Variants in AFF3 observed in about 807,000 individuals in gnomAD.
The protein encoded by AFF3 is AF4/FMR2 family member 3.
AFF3 carries 32 observed loss-of-function variants against 129.7 expected under a neutral mutation model. That is an observed-to-expected ratio of 0.25 (90% CI 0.19 to 0.33). The LOEUF (loss-of-function observed/expected upper bound fraction) is 0.33, where lower values mean the gene tolerates loss of function less well. AFF3 is among the 10% of genes least tolerant of loss of function. The pLI is 1.00. For missense variants in AFF3, 1,373 were observed against 1,592.0 expected (o/e 0.86, Z 2.34); for synonymous variants, 644 against 635.4 (o/e 1.01, Z -0.20).
chr2:99,582,584 G>T (rs1264400529), intron 17 of AFF3, among the ~76,000 whole-genome samples: 1 of 152,196 alleles, frequency 6.6e-6, no homozygotes, highest in East Asian at 1.9e-4. Flanking sequence ...AAGCAACCGA[G>T]GGTTAGAACT....
At chr2:99,726,187 C>T (rs1043232520) in intron 11 of AFF3, among the ~76,000 whole-genome samples, 1 of 152,166 alleles carries the variant, frequency 6.6e-6, no homozygotes, top group African/African-American at 2.4e-5. Context: ...CACAGCTCTC[C>T]TATTCAAGCC....
rs56710070 is a variant in AFF3 at position 100,107,017 on chromosome 2, A to G, written c.-144-1434T>C. 2,519 of 985,426 alleles carry G rather than the reference A, an allele frequency of 2.6e-3. 47 individuals carry two copies. The African/African-American group carries it at 0.039, about 15-fold the overall frequency. 61.0% of individuals were successfully genotyped at this position (985,426 alleles called of 1,614,324 possible). A position where few individuals can be genotyped will look rare whatever the true frequency, so the allele number is the denominator to read the frequency against. ...TGTGTTAATATATGAGAGTGTGTGC[A>G]CCTAAAGCAATTGCAAGGCGGGTAT... On this transcript the variant is annotated intron_variant, in intron 2 of 24. Coordinates refer to ENST00000672756, the MANE Select transcript of AFF3 (RefSeq NM_001386135.1).
At chr2:99,720,280 C>T (rs563366725) in intron 11 of AFF3, among the ~76,000 whole-genome samples, 4 of 152,178 alleles carry the variant, frequency 2.6e-5, no homozygotes, top group Admixed American at 1.3e-4. Flanking sequence ...GGCATGGATG[C>T]CTCATAAACA....
At chr2:99,958,437 A>C (rs573794370) in intron 7 of AFF3, among the ~76,000 whole-genome samples, 1 of 150,836 alleles carries the variant, frequency 6.6e-6, no homozygotes, top group Non-Finnish European at 1.5e-5. Context: ...AGGAGCCGAG[A>C]TCGTGTCACT....
chr2:99,854,802 C>G (rs1403612071), intron 7 of AFF3, among the ~76,000 whole-genome samples: 1 of 152,062 alleles, frequency 6.6e-6, no homozygotes, highest in Non-Finnish European at 1.5e-5. Flanking sequence ...TGCAATATTA[C>G]CAAAAACTTG....
intron 7 of AFF3, among the ~76,000 whole-genome samples, chr2:99,983,399 T>G (rs1451357621): frequency 6.6e-6 from 1 of 152,218 alleles, no homozygotes; most frequent in Admixed American, 6.5e-5. Flanking sequence ...TCCAAGATGA[T>G]TCAATTCTTT....
chr2:99,627,244 T>G (rs554543582), intron 13 of AFF3, among the ~76,000 whole-genome samples: 2 of 152,296 alleles, frequency 1.3e-5, no homozygotes, highest in East Asian at 3.9e-4. Context: ...ATCTGTTTTT[T>G]TTTGACTTTT....
At position 100,046,235 on chromosome 2, in the gene AFF3, C is replaced by T. The variant is rs1685820393; in HGVS notation, c.54-37303G>A. On this transcript the variant is annotated intron_variant, in intron 4 of 24. Transcript: ENST00000672756. ...TAATGTTTACATTATCCTATACCTA[C>T]TCTATAGTGCTCACACACAAACAGA... Among the ~76,000 whole-genome samples the T allele has an allele frequency of 2.0e-5, 3 of 152,158 alleles. No homozygotes were observed. The South Asian group carries it at 6.2e-4, about 32-fold the overall frequency.
At chr2:99,931,346 C>A (rs751188472) in intron 7 of AFF3, among the ~76,000 whole-genome samples, 2 of 152,172 alleles carry the variant, frequency 1.3e-5, no homozygotes, top group African/African-American at 2.4e-5. Context: ...GTAACTGCAG[C>A]GTTGCCATTA....
intron 7 of AFF3, among the ~76,000 whole-genome samples, chr2:99,926,368 T>C (rs1426685901): frequency 6.6e-6 from 1 of 152,192 alleles, no homozygotes; most frequent in African/African-American, 2.4e-5. Context: ...TGTTACCTCC[T>C]ACAGTCAGGC....
intron 7 of AFF3, among the ~76,000 whole-genome samples, chr2:99,865,243 G>A (rs577011101): frequency 6.6e-6 from 1 of 152,230 alleles, no homozygotes; most frequent in African/African-American, 2.4e-5. Context: ...TCAGGTGTGG[G>A]GGAAAGCAAC....
At chr2:99,762,111 T>C (rs1190992037) in intron 8 of AFF3, among the ~76,000 whole-genome samples, 2 of 151,118 alleles carry the variant, frequency 1.3e-5, no homozygotes, top group Admixed American at 1.3e-4. Flanking sequence ...TCCACTTATA[T>C]ATAATCAATG....
At position 99,766,382 on chromosome 2, in the gene AFF3, T is replaced by C. The variant is rs554564071; in HGVS notation, c.922-14081A>G. On this transcript the variant is annotated intron_variant, in intron 8 of 24. Coordinates refer to ENST00000672756, the MANE Select transcript of AFF3 (RefSeq NM_001386135.1). The stretch of plus-strand genomic sequence containing the variant: ...GAGAGGTGATTTATAAATCACTGAA[T>C]GGCATTGCCCTAGGACAGCAGGGAT... 4.6e-5 allele frequency among the ~76,000 whole-genome samples: 7 copies of C among 152,362 alleles called. No homozygotes were observed. In the South Asian group the frequency reaches 1.4e-3, roughly 32 times the overall value.
chr2:99,785,175 T>G (rs1684702334), intron 8 of AFF3, among the ~76,000 whole-genome samples: 1 of 152,206 alleles, frequency 6.6e-6, no homozygotes, highest in Non-Finnish European at 1.5e-5. Context: ...CTGAATTGGC[T>G]TGTCTGTTCT....
intron 7 of AFF3, among the ~76,000 whole-genome samples, chr2:99,990,330 CA>C (rs1680229985): frequency 6.6e-6 from 1 of 151,982 alleles, no homozygotes; most frequent in Non-Finnish European, 1.5e-5. Flanking sequence ...GGAATAAAAC[CA>C]AAAACCCAAG....
intron 12 of AFF3, among the ~76,000 whole-genome samples, chr2:99,651,173 CAA>C (rs113457105): frequency 0.085 from 10,397 of 121,938 alleles, 514 homozygotes; most frequent in Admixed American, 0.2. Context: ...AAGTCTGTCT[CAA>C]AAAAAAAAAA....
At chr2:99,971,798 A>G (rs139495641) in intron 7 of AFF3, among the ~76,000 whole-genome samples, 29 of 152,356 alleles carry the variant, frequency 1.9e-4, no homozygotes, top group Middle Eastern at 3.4e-3. Flanking sequence ...ACAAGAGTCA[A>G]TGCATTAGTT....
At chr2:99,950,168 G>A (rs1377114896) in intron 7 of AFF3, among the ~76,000 whole-genome samples, 5 of 152,156 alleles carry the variant, frequency 3.3e-5, no homozygotes, top group South Asian at 4.1e-4. Context: ...ATGTGCCACT[G>A]CATCAACTCA....
At chr2:99,722,256 A>AT (rs1470618277) in intron 11 of AFF3, among the ~76,000 whole-genome samples, 2 of 152,006 alleles carry the variant, frequency 1.3e-5, no homozygotes, top group African/African-American at 4.8e-5. Context: ...TACAGTGGCT[A>AT]TTTTTTCTCT....
Sources: allele counts gnomAD v4.1 joint callset (sites outside exome capture counted in the v4.1 genomes callset), GRCh38; gene constraint gnomAD v4.1.1; transcripts MANE v1.5; gene names NCBI Gene and HGNC (gene_info 2026-07-23, HGNC 2026-07-21).